The following CAMK2A variants were observed in gnomAD, a reference collection of about 807,000 sequenced individuals.
CAMK2A encodes the protein calcium/calmodulin-dependent protein kinase type II subunit alpha.
In CAMK2A, 7 loss-of-function variants were observed where a neutral mutation model predicts 79.2. The observed-to-expected ratio is 0.09, with a 90% CI of 0.05 to 0.17. CAMK2A has a LOEUF of 0.17. CAMK2A is among the 10% of genes least tolerant of loss of function. CAMK2A has a pLI of 1.00. For synonymous variants in CAMK2A, 242 were observed against 251.7 expected (o/e 0.96, Z 0.36); for missense variants, 214 against 646.4 (o/e 0.33, Z 7.25).
At chr5:150,272,041 G>C (rs1168540092) in intron 2 of CAMK2A, among the ~76,000 whole-genome samples, 2 of 152,180 alleles carry the variant, frequency 1.3e-5, no homozygotes, top group Non-Finnish European at 2.9e-5. Flanking sequence ...TCACACCCCA[G>C]ACCAACTCTC....
chr5:150,271,850 C>A (rs1756761780), intron 2 of CAMK2A, among the ~76,000 whole-genome samples: 1 of 152,252 alleles, frequency 6.6e-6, no homozygotes, highest in Non-Finnish European at 1.5e-5. Flanking sequence ...ACCCCGGTGT[C>A]TTGTTAAAAT....
intron 3 of CAMK2A, among the ~76,000 whole-genome samples, chr5:150,259,431 A>G (rs1019013889): frequency 6.6e-6 from 1 of 151,988 alleles, no homozygotes; most frequent in African/African-American, 2.4e-5. Flanking sequence ...CTAAGGTGGG[A>G]GGGTTGTTTG....
At chr5:150,234,988 C>A (rs773344605) in intron 15 of CAMK2A, among the ~76,000 whole-genome samples, 1 of 152,236 alleles carries the variant, frequency 6.6e-6, no homozygotes, top group Non-Finnish European at 1.5e-5. Context: ...GGTTGTGGTA[C>A]TGACTCAAGC....
chr5:150,276,358 T>C lies in CAMK2A; in HGVS notation c.63-3199A>G, dbSNP rs114607716. The stretch of plus-strand genomic sequence containing the variant: ...GCCCCCAGTGCTTGAATACCCAGCG[T>C]CTAGTGCCAATAGAGCCTCCATGAG... On this transcript the variant is annotated intron_variant, in intron 1 of 18. Transcript: ENST00000671881. Among the ~76,000 whole-genome samples the C allele has an allele frequency of 9.4e-3, 1,428 of 152,220 alleles. 30 individuals carry two copies. Among genetic ancestry groups the C allele is most frequent in the African/African-American group, 0.032 (1,336 of 41,544 alleles).
chr5:150,231,503 G>GT (rs1238301987), intron 15 of CAMK2A, 123 bp from the exon 16 acceptor site: 1 of 390,192 alleles, frequency 2.6e-6, no homozygotes, highest in East Asian at 4.7e-5. Context: ...GCCAGACTCT[G>GT]TGCTGGGACC....
rs10036644 is a variant in CAMK2A at position 150,248,010 on chromosome 5, G to A, written c.901-196C>T. 6.1e-3 allele frequency among the ~76,000 whole-genome samples: 930 copies of A among 152,298 alleles called. 11 individuals are homozygous for A. Among genetic ancestry groups the A allele is most frequent in the African/African-American group, 0.021 (878 of 41,560 alleles). ...AGCCCATCCCTCGCCCCCTGGAGAA[G>A]TCGGGGTGAGCTAGGCTTTAGCCAG... On this transcript the variant is annotated intron_variant, in intron 11 of 18. Transcript: ENST00000671881.
At chr5:150,264,405 G>T (rs1318294488) in intron 3 of CAMK2A, among the ~76,000 whole-genome samples, 1 of 152,252 alleles carries the variant, frequency 6.6e-6, no homozygotes, top group African/African-American at 2.4e-5. Context: ...GCTGAAGAAG[G>T]GGGGCCAGGC....
chr5:150,230,521 A>G (rs746030744), intron 16 of CAMK2A, among the ~76,000 whole-genome samples: 7 of 152,302 alleles, frequency 4.6e-5, no homozygotes, highest in African/African-American at 1.2e-4. Context: ...TTGTCCTCCA[A>G]AAAGCTTATG....
At chr5:150,246,124 G>A (rs1755558137) in intron 12 of CAMK2A, among the ~76,000 whole-genome samples, 1 of 152,224 alleles carries the variant, frequency 6.6e-6, no homozygotes, top group Non-Finnish European at 1.5e-5. Flanking sequence ...TGGGAGGAGG[G>A]TCATATGAGC....
In CAMK2A at chr5:150,265,250, C is replaced by T. The variant is rs534518103; in HGVS notation, c.158-235G>A. ...CACATCCCTCGCCCTCTCTGGCCTCCGTTTCCATGATTCTTAAATGTGAGG... is the reference window on the plus strand; with the variant it reads ...CACATCCCTCGCCCTCTCTGGCCTCTGTTTCCATGATTCTTAAATGTGAGG... On this transcript the variant is annotated intron_variant, in intron 2 of 18. Coordinates refer to ENST00000671881, the MANE Select transcript of CAMK2A (RefSeq NM_015981.4). 20 of 507,168 alleles carry T rather than the reference C, an allele frequency of 3.9e-5. No homozygotes were observed. In the East Asian group the frequency reaches 6.0e-4, roughly 15 times the overall value. The allele number at this position is 507,168 out of a possible 1,614,324, so 31.4% of individuals were successfully genotyped here. A position where few individuals can be genotyped will look rare whatever the true frequency, so the allele number is the denominator to read the frequency against.
intron 1 of CAMK2A, among the ~76,000 whole-genome samples, chr5:150,278,709 A>G (rs1008766864): frequency 1.3e-5 from 2 of 149,780 alleles, no homozygotes; most frequent in Admixed American, 1.3e-4. Context: ...CGAGGGGTGT[A>G]GGGGAATGCC....
chr5:150,287,015 C>T (rs1757450970), intron 1 of CAMK2A, among the ~76,000 whole-genome samples: 1 of 152,214 alleles, frequency 6.6e-6, no homozygotes, highest in African/African-American at 2.4e-5. Context: ...TGCCTGGTGT[C>T]ACAGAGCTAT....
chr5:150,274,318 C>T (rs1269567441), intron 1 of CAMK2A, among the ~76,000 whole-genome samples: 1 of 152,194 alleles, frequency 6.6e-6, no homozygotes, highest in East Asian at 1.9e-4. Flanking sequence ...GAATGTGGCC[C>T]ATTTCCTACC....
At chr5:150,288,442 T>C (rs138403346) in intron 1 of CAMK2A, among the ~76,000 whole-genome samples, 2 of 152,288 alleles carry the variant, frequency 1.3e-5, no homozygotes, top group African/African-American at 4.8e-5. Context: ...TGCACATGCA[T>C]GAATGCTTGC....
intron 12 of CAMK2A, among the ~76,000 whole-genome samples, chr5:150,245,962 C>T (rs979172665): frequency 2.6e-5 from 4 of 152,264 alleles, no homozygotes; most frequent in South Asian, 4.1e-4. Flanking sequence ...GCCCTGCCCA[C>T]AGGCATCCGG....
In CAMK2A at chr5:150,284,266, G is replaced by A. The variant is rs890102691; in HGVS notation, c.62+5298C>T. 2.6e-5 allele frequency among the ~76,000 whole-genome samples: 4 copies of A among 151,324 alleles called. No homozygotes were observed. Among genetic ancestry groups the A allele is most frequent in the African/African-American group, 7.3e-5 (3 of 40,956 alleles). Reference sequence around the variant, plus strand: ...TATCCCTGCACTGGGAGATGGACTCGTGCTCTATGCCCTGTCACAGCCAGT... The same window carrying A: ...TATCCCTGCACTGGGAGATGGACTCATGCTCTATGCCCTGTCACAGCCAGT... On this transcript the variant is annotated intron_variant, in intron 1 of 18. Transcript: ENST00000671881. The surrounding 1 kb of genome is among the most constrained non-coding windows in gnomAD (Gnocchi z 5.3).
chr5:150,256,552 C>T lies in CAMK2A; in HGVS notation c.411+21G>A, dbSNP rs200894824. The T allele has an allele frequency of 1.4e-5, 22 of 1,601,338 alleles. No individual in the cohort carries two copies. Among genetic ancestry groups the T allele is most frequent in the Admixed American group, 1.7e-5 (1 of 59,948 alleles). ...AGAGAGGGGCTCCCGGGGTGAGCCA[C>T]ACCCACGGTGGGTTGCTCACCTTCA... On this transcript the variant is annotated intron_variant, in intron 6 of 18. Coordinates refer to ENST00000671881, the MANE Select transcript of CAMK2A (RefSeq NM_015981.4). This position sits in a 1 kb window ranked among gnomAD's most constrained non-coding sequence, Gnocchi z 4.6.
chr5:150,240,344 A>C (rs1755282993), intron 13 of CAMK2A, among the ~76,000 whole-genome samples: 1 of 152,206 alleles, frequency 6.6e-6, no homozygotes, highest in Non-Finnish European at 1.5e-5. Context: ...AGGGCCAAGC[A>C]TGGGAGCCAG....
rs891934 is a variant in CAMK2A at position 150,259,433 on chromosome 5, G to C, written c.218-1816C>G. ...GCTATTTGGGAAGCTAAGGTGGGAG[G>C]GTTGTTTGAGCCCAGGGGGCGGAGG... On this transcript the variant is annotated intron_variant, in intron 3 of 18. Transcript: ENST00000671881. Among the ~76,000 whole-genome samples the C allele has an allele frequency of 4.3e-3, 654 of 151,122 alleles. 6 individuals carry two copies. The highest frequency in any genetic ancestry group is 0.015 in the African/African-American group (616 of 41,074).
Sources: gnomAD v4.1 joint callset for allele counts (sites outside exome capture counted in the v4.1 genomes callset) on GRCh38, gnomAD v4.1.1 for gene constraint, Gnocchi (gnomAD v3.1) non-coding constraint, MANE v1.5 for transcripts, NCBI Gene and HGNC (gene_info 2026-07-23, HGNC 2026-07-21) for gene names.